The following DRC8 variants were observed in gnomAD, a reference collection of about 807,000 sequenced individuals.
DRC8 encodes the protein dynein regulatory complex subunit 8, also known as dynein regulatory complex protein 8.
chr1:245,043,731 A>C, the DRC8 span, among the ~76,000 whole-genome samples: 1 of 152,204 alleles, frequency 6.6e-6, no homozygotes, highest in Non-Finnish European at 1.5e-5. Context: ...GGACGGCCCC[A>C]GGAAGGCCTC....
At chr1:245,103,731 C>A in the DRC8 span, among the ~76,000 whole-genome samples, 2 of 152,196 alleles carry the variant, frequency 1.3e-5, no homozygotes, top group East Asian at 1.9e-4. Flanking sequence ...GGAGAGGGGA[C>A]CGGAGGAGGG....
At chr1:244,971,284 G>T in the DRC8 span, among the ~76,000 whole-genome samples, 1 of 152,052 alleles carries the variant, frequency 6.6e-6, no homozygotes, top group East Asian at 1.9e-4. Flanking sequence ...TCTTGGAACC[G>T]CTGTGCGCCG....
the DRC8 span, among the ~76,000 whole-genome samples, chr1:245,019,234 T>C: frequency 6.6e-6 from 1 of 152,214 alleles, no homozygotes; most frequent in Non-Finnish European, 1.5e-5. Context: ...AAAATTGTTA[T>C]TGTTTTTAGC....
chr1:244,997,153 A>G, the DRC8 span, among the ~76,000 whole-genome samples: 2 of 152,188 alleles, frequency 1.3e-5, no homozygotes, highest in African/African-American at 4.8e-5. Context: ...AGTTGAATCC[A>G]TGGGTGTACA....
At chr1:245,063,928 G>T in the DRC8 span, among the ~76,000 whole-genome samples, 1 of 152,142 alleles carries the variant, frequency 6.6e-6, no homozygotes, top group African/African-American at 2.4e-5. Context: ...TCACCATGTC[G>T]GCCAGGCTGG....
chr1:245,074,075 A>C, the DRC8 span, among the ~76,000 whole-genome samples: 5 of 152,234 alleles, frequency 3.3e-5, no homozygotes, highest in Non-Finnish European at 5.9e-5. Context: ...GATCTGAAAC[A>C]TAGCTGTGGA....
At chr1:245,085,346 G>T in the DRC8 span, among the ~76,000 whole-genome samples, 1 of 152,176 alleles carries the variant, frequency 6.6e-6, no homozygotes, top group Non-Finnish European at 1.5e-5. Flanking sequence ...GTAAACTCTT[G>T]TGCATTATAA....
At chr1:245,034,623 A>AAAAAAG in the DRC8 span, among the ~76,000 whole-genome samples, 5 of 139,682 alleles carry the variant, frequency 3.6e-5, no homozygotes, top group African/African-American at 1.3e-4. Flanking sequence ...AAAAAAAAAA[A>AAAAAAG]AAAAGAAAAG....
the DRC8 span, among the ~76,000 whole-genome samples, chr1:245,052,148 T>A: frequency 1.3e-5 from 2 of 152,200 alleles, no homozygotes; most frequent in Non-Finnish European, 2.9e-5. Flanking sequence ...TGAGGGAGTT[T>A]GCCAGGAAGT....
the DRC8 span, chr1:244,970,420 T>G: frequency 2.6e-6 from 4 of 1,537,922 alleles, no homozygotes; most frequent in Non-Finnish European, 3.5e-6. Flanking sequence ...CGCAGCAAGA[T>G]GGCGGACGAG....
chr1:245,001,992 C>A, the DRC8 span: 24 of 679,150 alleles, frequency 3.5e-5, no homozygotes, highest in Non-Finnish European at 5.7e-5. Context: ...TATTTGAAAG[C>A]ATGGTCCTTT....
chr1:245,015,965 CTTTTTTT>C, the DRC8 span, among the ~76,000 whole-genome samples: 1 of 57,190 alleles, frequency 1.7e-5, no homozygotes, highest in Non-Finnish European at 3.2e-5. Flanking sequence ...GCCTACAGGG[CTTTTTTT>C]TTTTTTTTTT....
At chr1:245,107,199 C>T in the DRC8 span, 1 of 152,280 alleles carries the variant, frequency 6.6e-6, no homozygotes, top group Non-Finnish European at 1.5e-5. Context: ...AGGAGTCGGT[C>T]CTGAGAGCAG....
At chr1:245,048,546 A>C in the DRC8 span, among the ~76,000 whole-genome samples, 5 of 152,114 alleles carry the variant, frequency 3.3e-5, no homozygotes, top group Non-Finnish European at 7.3e-5. Context: ...TTTTATTTAA[A>C]AAATTTCAAA....
chr1:245,076,464 A>C, the DRC8 span, among the ~76,000 whole-genome samples: 1 of 152,164 alleles, frequency 6.6e-6, no homozygotes, highest in Non-Finnish European at 1.5e-5. Context: ...TTTTTTATTT[A>C]CTTTTCATAC....
chr1:244,970,179 G>C, the DRC8 span: 2 of 710,136 alleles, frequency 2.8e-6, no homozygotes, highest in Non-Finnish European at 5.1e-6. Context: ...ACAAGGCCGG[G>C]GGCCGGGTGG....
chr1:245,115,041 T>C, the DRC8 span, among the ~76,000 whole-genome samples: 2 of 150,044 alleles, frequency 1.3e-5, no homozygotes, highest in East Asian at 4.0e-4. Context: ...AAATTATTTA[T>C]TTTATTATTT....
At chr1:245,059,435 G>C in the DRC8 span, 1 of 1,612,864 alleles carries the variant, frequency 6.2e-7, no homozygotes, top group Non-Finnish European at 8.5e-7. Flanking sequence ...TACGGAAGGA[G>C]AGCTGCATGA....
the DRC8 span, among the ~76,000 whole-genome samples, chr1:245,100,395 G>GTAGTAATAATAA: frequency 6.7e-6 from 1 of 149,250 alleles, no homozygotes; most frequent in African/African-American, 2.5e-5. Context: ...AAAAGTAGTA[G>GTAGTAATAATAA]TAATAATAAT....
Sources: gnomAD v4.1 joint callset for allele counts (sites outside exome capture counted in the v4.1 genomes callset) on GRCh38, gnomAD v4.1.1 for gene constraint, MANE v1.5 for transcripts, NCBI Gene and HGNC (gene_info 2026-07-23, HGNC 2026-07-21) for gene names.